Variants in ERICH3 observed in about 807,000 individuals in gnomAD.
ERICH3 encodes glutamate-rich protein 3.
In ERICH3, 126 loss-of-function variants were observed where a neutral mutation model predicts 131.1. The ratio of observed to expected loss-of-function variants is 0.96; its 90% confidence interval spans 0.83 to 1.11. The LOEUF (loss-of-function observed/expected upper bound fraction) is 1.11. ERICH3 is among the 50% of genes most tolerant of loss of function. The probability of loss-of-function intolerance (pLI) is 0.00; values close to 1 mark genes in which losing one functional copy is unlikely to be tolerated. For synonymous variants in ERICH3, 695 were observed against 644.6 expected (o/e 1.08, Z -1.18); for missense variants, 2,050 against 1,810.7 (o/e 1.13, Z -2.40).
rs574835919 is a variant in ERICH3, at chr1:74,672,472, C to T, written c.23+1025G>A. Among the ~76,000 whole-genome samples, 22 of 152,290 alleles carry T rather than the reference C, an allele frequency of 1.4e-4. No individual in the cohort carries two copies. The East Asian group carries it at 3.9e-3, about 27-fold the overall frequency. ...TCAAACATTTTCATTTACGCCATTA[C>T]ACTCAGAGAATTCATTAAAAAGTAA... On this transcript the variant is annotated intron_variant, in intron 1 of 14. Transcript: ENST00000326665.
chr1:74,583,749 T>C (rs1488417390), intron 12 of ERICH3, among the ~76,000 whole-genome samples: 2 of 152,200 alleles, frequency 1.3e-5, no homozygotes, highest in African/African-American at 4.8e-5. Context: ...ATCTTCATTA[T>C]CGGTTCTTTC....
At chr1:74,664,587 G>T (rs1463666232) in intron 1 of ERICH3, among the ~76,000 whole-genome samples, 1 of 152,070 alleles carries the variant, frequency 6.6e-6, no homozygotes, top group Non-Finnish European at 1.5e-5. Context: ...AAAATCCTTA[G>T]TTTTTAATGC....
At position 74,631,865 on chromosome 1, in the gene ERICH3, G is replaced by A; in HGVS notation, c.667C>T (p.Gln223Ter). 1 of 1,613,520 alleles carries A rather than the reference G, an allele frequency of 6.2e-7. No individual in the cohort carries two copies. The highest frequency in any genetic ancestry group is 1.3e-5 in the African/African-American group (1 of 74,984). Residue 223 changes from glutamine (Q) to a stop codon, truncating the protein, a stop_gained, in exon 7 of 15, where the codon CAA becomes TAA. Transcript: ENST00000326665. LOFTEE classifies it high-confidence loss of function. ...IGNSQRMNSY[Q>*]LPNINSYMMP... ...ATGTAACTGTTAATGTTTGGAAGTT[G>A]ATATGAATTCATTCTCTGTGAATTG... is the stretch of plus-strand genomic sequence containing the variant.
intron 12 of ERICH3, among the ~76,000 whole-genome samples, chr1:74,578,897 A>AATTGT (rs1225232147): frequency 3.9e-5 from 6 of 152,206 alleles, no homozygotes; most frequent in Non-Finnish European, 8.8e-5. Flanking sequence ...TTGGAGGGAA[A>AATTGT]ATTGTGACTT....
intron 1 of ERICH3, among the ~76,000 whole-genome samples, chr1:74,657,911 A>G (rs1646601293): frequency 6.6e-6 from 1 of 152,162 alleles, no homozygotes; most frequent in Admixed American, 6.5e-5. Flanking sequence ...AATTAAAACT[A>G]AGGGAGATAA....
rs147069009 is a variant in ERICH3, at chr1:74,646,242, T to A, written c.243+425A>T. On this transcript the variant is annotated intron_variant, in intron 3 of 14. Coordinates refer to ENST00000326665, the MANE Select transcript of ERICH3 (RefSeq NM_001002912.5). Reference sequence around the variant, plus strand: ...AAAAGAATAACAGATCTGAAATAATTCATGGCAATGGAATTACTGATATTT... The same window carrying A: ...AAAAGAATAACAGATCTGAAATAATACATGGCAATGGAATTACTGATATTT... 6.5e-3 allele frequency among the ~76,000 whole-genome samples: 994 copies of A among 152,186 alleles called. 10 individuals are homozygous for A. Among genetic ancestry groups the A allele is most frequent in the Non-Finnish European group, 9.3e-3 (632 of 67,976 alleles).
intron 5 of ERICH3, among the ~76,000 whole-genome samples, chr1:74,637,137 G>A (rs770997005): frequency 3.9e-5 from 6 of 152,094 alleles, no homozygotes; most frequent in African/African-American, 1.2e-4. Context: ...CACTCCTTTC[G>A]GGACTACACC....
At chr1:74,658,129 A>G (rs182047091) in intron 1 of ERICH3, among the ~76,000 whole-genome samples, 2,176 of 152,264 alleles carry the variant, frequency 0.014, 25 homozygotes, top group Middle Eastern at 0.027. Flanking sequence ...CTAGTCCATA[A>G]CTAGTTAAAA....
At chr1:74,655,822 G>A (rs888005897) in intron 1 of ERICH3, among the ~76,000 whole-genome samples, 2 of 152,096 alleles carry the variant, frequency 1.3e-5, no homozygotes, top group African/African-American at 4.8e-5. Flanking sequence ...CTGTGTCTTA[G>A]CCCATTTAAT....
Position 74,571,158 on chromosome 1 carries a change from T to G in ERICH3, c.4552A>C (p.Ser1518Arg). ...TTGGGGGAAACATCTGCAGTCTCGC[T>G]TTCTCCTTGCACCATATGCTGTTGC... The part of the protein sequence containing the change: ...EKQQHMVQGE[S>R]ETADVSPNNV... Residue 1518 changes from serine to arginine, a missense_variant, in exon 14 of 15, where the codon AGC becomes CGC. Physicochemically the swap from Ser to Arg is moderately radical, Grantham distance 110. Transcript: ENST00000326665. 1 of 1,614,082 alleles carries G rather than the reference T, an allele frequency of 6.2e-7. No homozygotes were observed. Among genetic ancestry groups the G allele is most frequent in the Non-Finnish European group, 8.5e-7 (1 of 1,180,004 alleles).
chr1:74,668,285 A>G (rs949512761), intron 1 of ERICH3, among the ~76,000 whole-genome samples: 1 of 152,128 alleles, frequency 6.6e-6, no homozygotes, highest in Non-Finnish European at 1.5e-5. Context: ...TTTTATAATT[A>G]TCTTTGAATT....
chr1:74,650,834 CTGTGTGTGTGTGTG>C (rs5775252), intron 1 of ERICH3, among the ~76,000 whole-genome samples: 2 of 146,002 alleles, frequency 1.4e-5, no homozygotes, highest in African/African-American at 5.1e-5. Flanking sequence ...GAGGGGACTA[CTGTGTGTGTGTGTG>C]TGTGTGTGTG....
intron 9 of ERICH3, among the ~76,000 whole-genome samples, chr1:74,611,644 G>T (rs1234497781): frequency 6.6e-6 from 1 of 152,056 alleles, no homozygotes; most frequent in Non-Finnish European, 1.5e-5. Context: ...TTCCTTTTGT[G>T]CTGGCCAAGC....
chr1:74,647,418 C>T (rs1449240990), intron 2 of ERICH3, among the ~76,000 whole-genome samples: 1 of 151,914 alleles, frequency 6.6e-6, no homozygotes, highest in Non-Finnish European at 1.5e-5. Flanking sequence ...TTTTCTTCCA[C>T]TCTCCAGCCC....
chr1:74,573,804 C>T (rs1212397480), intron 13 of ERICH3, among the ~76,000 whole-genome samples: 1 of 152,012 alleles, frequency 6.6e-6, no homozygotes. Context: ...ATCTCATGTC[C>T]CCATGTCTTG....
At chr1:74,586,570 A>G (rs1647339437) in intron 12 of ERICH3, 4 of 820,760 alleles carry the variant, frequency 4.9e-6, no homozygotes, top group Non-Finnish European at 5.9e-6. Flanking sequence ...AAATATCTAT[A>G]ACTTTTGAAC....
intron 3 of ERICH3, among the ~76,000 whole-genome samples, chr1:74,645,573 C>T (rs1257238930): frequency 6.6e-6 from 1 of 151,844 alleles, no homozygotes; most frequent in Non-Finnish European, 1.5e-5. Context: ...AACTAGGCTT[C>T]AAGGATTAAG....
rs146548386 is a variant in ERICH3, at chr1:74,582,653, T to C, written c.2177-5717A>G. Among the ~76,000 whole-genome samples, 482 of 152,222 alleles carry C rather than the reference T, an allele frequency of 3.2e-3. 5 individuals carry two copies. Among genetic ancestry groups the C allele is most frequent in the African/African-American group, 0.011 (463 of 41,536 alleles). ...TTGTGGAAACAAATCAAATAACATA[T>C]GAAAATTCAGGCCATCACAAGTGGG... On this transcript the variant is annotated intron_variant, in intron 12 of 14. Transcript: ENST00000326665.
rs753898326 is a variant in ERICH3, at chr1:74,573,381, C to G, written c.2329G>C (p.Glu777Gln). 2 of 1,608,938 alleles carry G rather than the reference C, an allele frequency of 1.2e-6. No homozygotes were observed. Among genetic ancestry groups the G allele is most frequent in the Non-Finnish European group, 1.7e-6 (2 of 1,178,224 alleles). ...TCTCTGTGCTGGGGCGCTTCATCTT[C>G]CTCCATTGCTTCTTTCTTCTCCAGT... is the stretch of plus-strand genomic sequence containing the variant. ...YTLEKKEAME[E>Q]DEAPQHRDAD... The change falls in exon 14 of 15, where the codon GAA becomes CAA. Residue 777 changes from glutamate (E) to glutamine (Q), a missense_variant. Physicochemically the swap from Glu to Gln is conservative, Grantham distance 29 (BLOSUM62 2). Transcript: ENST00000326665.
Sources: gnomAD v4.1 joint callset for allele counts (sites outside exome capture counted in the v4.1 genomes callset) on GRCh38, gnomAD v4.1.1 for gene constraint, MANE v1.5 for transcripts, NCBI Gene and HGNC (gene_info 2026-07-23, HGNC 2026-07-21) for gene names.